CADPS2: variants seen among roughly 807,000 people sequenced by gnomAD.
The protein encoded by CADPS2 is calcium dependent secretion activator 2, also known as calcium-dependent secretion activator 2.
In CADPS2, 93 loss-of-function variants were observed where a neutral mutation model predicts 172.5. The observed-to-expected ratio is 0.54, with a 90% CI of 0.46 to 0.64. The LOEUF (loss-of-function observed/expected upper bound fraction) is 0.64. CADPS2 is among the 30% of genes least tolerant of loss of function. The pLI, the probability that CADPS2 is intolerant of heterozygous loss-of-function variation, is 0.00. For missense variants in CADPS2, 1,420 were observed against 1,565.9 expected (o/e 0.91, Z 1.57); for synonymous variants, 546 against 555.2 (o/e 0.98, Z 0.23).
intron 2 of CADPS2, among the ~76,000 whole-genome samples, chr7:122,717,716 G>A (rs916468151): frequency 2.0e-5 from 3 of 152,050 alleles, no homozygotes; most frequent in Non-Finnish European, 2.9e-5. Flanking sequence ...CCTTGGTGAG[G>A]GCATAAGCAT....
intron 28 of CADPS2, among the ~76,000 whole-genome samples, chr7:122,334,182 C>G (rs924733880): frequency 2.6e-5 from 4 of 152,040 alleles, no homozygotes; most frequent in African/African-American, 9.7e-5. Flanking sequence ...ACTTTCATAT[C>G]TATGTACATA....
chr7:122,839,097 C>A (rs1584814076), intron 1 of CADPS2, among the ~76,000 whole-genome samples: 1 of 151,658 alleles, frequency 6.6e-6, no homozygotes, highest in Admixed American at 6.6e-5. Flanking sequence ...ACCAATGGAA[C>A]AGAACAGAGC....
chr7:122,505,998 G>A (rs1389009788), intron 9 of CADPS2, among the ~76,000 whole-genome samples: 2 of 152,072 alleles, frequency 1.3e-5, no homozygotes, highest in African/African-American at 4.8e-5. Flanking sequence ...ACCAGTTCAC[G>A]GGTAATCTGG....
In CADPS2 at chr7:122,509,663, T is replaced by C. The variant is rs573418704; in HGVS notation, c.1542+3586A>G. On this transcript the variant is annotated intron_variant, in intron 9 of 29. Coordinates refer to ENST00000449022, the MANE Select transcript of CADPS2 (RefSeq NM_017954.11). Reference sequence around the variant, plus strand: ...GTAGTTATGTGCATCAATGTAATCATAGCAGTATGGCAGAGGAAAGAGAAG... The same window carrying C: ...GTAGTTATGTGCATCAATGTAATCACAGCAGTATGGCAGAGGAAAGAGAAG... Among the ~76,000 whole-genome samples, 215 of 152,290 alleles carry C rather than the reference T, an allele frequency of 1.4e-3. 6 individuals carry two copies. In the South Asian group the frequency reaches 0.043, roughly 30 times the overall value.
chr7:122,758,215 G>A (rs965888132), intron 1 of CADPS2, among the ~76,000 whole-genome samples: 1 of 152,070 alleles, frequency 6.6e-6, no homozygotes, highest in Non-Finnish European at 1.5e-5. Flanking sequence ...AAATTGCCAA[G>A]CCTTATTCAT....
intron 29 of CADPS2, among the ~76,000 whole-genome samples, chr7:122,321,947 A>G (rs1029030734): frequency 4.6e-5 from 7 of 152,252 alleles, no homozygotes; most frequent in African/African-American, 7.2e-5. Context: ...TTTTGTCATA[A>G]TAAGCTCATT....
chr7:122,866,685 G>A (rs1261320760), intron 1 of CADPS2, among the ~76,000 whole-genome samples: 2 of 152,094 alleles, frequency 1.3e-5, no homozygotes, highest in Non-Finnish European at 1.5e-5. Context: ...TGGGCAAAAG[G>A]GCAAGACTGT....
chr7:122,844,241 G>T, intron 1 of CADPS2, among the ~76,000 whole-genome samples: 1 of 152,208 alleles, frequency 6.6e-6, no homozygotes, highest in East Asian at 1.9e-4. Flanking sequence ...CAATCCAGAT[G>T]TAACTAAGTT....
chr7:122,597,524 A>G (rs554340112), intron 6 of CADPS2, among the ~76,000 whole-genome samples: 3 of 152,218 alleles, frequency 2.0e-5, no homozygotes, highest in Non-Finnish European at 4.4e-5. Flanking sequence ...TCAGTAGAGA[A>G]TAATTATAGA....
intron 2 of CADPS2, among the ~76,000 whole-genome samples, chr7:122,689,392 T>G (rs1399442945): frequency 6.6e-6 from 1 of 152,194 alleles, no homozygotes; most frequent in East Asian, 1.9e-4. Context: ...CCTTATCAGT[T>G]AACAAAAGGA....
chr7:122,810,653 G>A (rs1799828042), intron 1 of CADPS2, among the ~76,000 whole-genome samples: 1 of 152,116 alleles, frequency 6.6e-6, no homozygotes, highest in African/African-American at 2.4e-5. Flanking sequence ...TATATTGTTA[G>A]ATAGGTCTGG....
intron 1 of CADPS2, among the ~76,000 whole-genome samples, chr7:122,800,732 T>C (rs1408421403): frequency 1.3e-5 from 2 of 152,198 alleles, no homozygotes; most frequent in Non-Finnish European, 2.9e-5. Flanking sequence ...CTCACGTCTG[T>C]AATCCCAGCA....
At chr7:122,805,662 C>T (rs1393543944) in intron 1 of CADPS2, among the ~76,000 whole-genome samples, 1 of 152,112 alleles carries the variant, frequency 6.6e-6, no homozygotes, top group East Asian at 1.9e-4. Context: ...ATGAGTCAAG[C>T]AACCAGGTAT....
At chr7:122,549,134 C>T (rs973789152) in intron 8 of CADPS2, among the ~76,000 whole-genome samples, 4 of 152,088 alleles carry the variant, frequency 2.6e-5, no homozygotes, top group African/African-American at 4.8e-5. Flanking sequence ...CAGTGGCTCA[C>T]GTCTGTATTT....
chr7:122,735,662 A>T (rs941073132), intron 2 of CADPS2, among the ~76,000 whole-genome samples: 1 of 152,126 alleles, frequency 6.6e-6, no homozygotes, highest in African/African-American at 2.4e-5. Context: ...TGCTGATCCA[A>T]TTTCAGTTTC....
chr7:122,642,605 T>G (rs1015779035), intron 3 of CADPS2, among the ~76,000 whole-genome samples: 4 of 151,416 alleles, frequency 2.6e-5, no homozygotes, highest in African/African-American at 9.7e-5. Context: ...TTAAAAACTA[T>G]GAACATCAAA....
chr7:122,712,304 C>T (rs1588658950), intron 2 of CADPS2, among the ~76,000 whole-genome samples: 1 of 152,216 alleles, frequency 6.6e-6, no homozygotes, highest in Admixed American at 6.5e-5. Flanking sequence ...AACAAAGGTG[C>T]TTCTCTGGCA....
intron 6 of CADPS2, among the ~76,000 whole-genome samples, chr7:122,597,912 CA>C (rs973885097): frequency 4.8e-5 from 7 of 146,254 alleles, no homozygotes; most frequent in South Asian, 2.2e-4. Flanking sequence ...ATCTTTTTAA[CA>C]TTTTTTTTTT....
At chr7:122,710,009 C>A (rs567063409) in intron 2 of CADPS2, among the ~76,000 whole-genome samples, 2 of 149,326 alleles carry the variant, frequency 1.3e-5, no homozygotes, top group South Asian at 4.2e-4. Flanking sequence ...TGTAACTAAC[C>A]TGCACATTGT....
Sources: gnomAD v4.1 joint callset for allele counts (sites outside exome capture counted in the v4.1 genomes callset) on GRCh38, gnomAD v4.1.1 for gene constraint, MANE v1.5 for transcripts, NCBI Gene and HGNC (gene_info 2026-07-23, HGNC 2026-07-21) for gene names.